HDAC9: variants seen among roughly 807,000 people sequenced by gnomAD.
HDAC9 encodes histone deacetylase 9, also known as MEF-2 interacting transcription repressor (MITR) protein.
In HDAC9, 41 loss-of-function variants were observed where a neutral mutation model predicts 139.4. That is an observed-to-expected ratio of 0.29 (90% CI 0.23 to 0.38). The LOEUF (loss-of-function observed/expected upper bound fraction) is 0.38, where lower values mean the gene tolerates loss of function less well. Ranked by LOEUF, HDAC9 falls within the 10% of genes least tolerant of loss-of-function variation. The pLI is 1.00. For synonymous variants in HDAC9, 517 were observed against 476.2 expected (o/e 1.09, Z -1.12); for missense variants, 1,147 against 1,297.0 (o/e 0.88, Z 1.78).
At chr7:18,808,882 C>T (rs748729523) in intron 17 of HDAC9, among the ~76,000 whole-genome samples, 10 of 148,466 alleles carry the variant, frequency 6.7e-5, no homozygotes, top group Admixed American at 2.0e-4. Flanking sequence ...ACAAAACAAA[C>T]AACAACAACA....
At chr7:18,412,427 C>T (rs1562963025) in intron 1 of HDAC9, among the ~76,000 whole-genome samples, 1 of 152,028 alleles carries the variant, frequency 6.6e-6, no homozygotes, top group Non-Finnish European at 1.5e-5. Context: ...GGAAGGCTTC[C>T]CACAGTACTA....
At chr7:18,900,259 G>A (rs1323296910) in intron 22 of HDAC9, among the ~76,000 whole-genome samples, 1 of 152,122 alleles carries the variant, frequency 6.6e-6, no homozygotes, top group Non-Finnish European at 1.5e-5. Flanking sequence ...AGAAATCAAA[G>A]ATAAATAAAT....
intron 1 of HDAC9, among the ~76,000 whole-genome samples, chr7:18,332,613 G>C (rs1801015634): frequency 6.6e-6 from 1 of 151,592 alleles, no homozygotes; most frequent in Admixed American, 6.6e-5. Flanking sequence ...TCTATATTAG[G>C]TGTGGAATGG....
chr7:18,162,536 C>G lies in HDAC9; in HGVS notation c.25+187C>G, dbSNP rs1336188249. On this transcript the variant is annotated intron_variant, in intron 2 of 12. Transcript: ENST00000417496. ...CTCTATTGCTTAACCCAGTTTGCTT[C>G]CTGGACAACTGATTTGATTTGCATT... The G allele has an allele frequency of 6.8e-6, 4 of 589,288 alleles. No homozygotes were observed. The East Asian group carries it at 8.6e-5, about 13-fold the overall frequency. 36.5% of individuals were successfully genotyped at this position (589,288 alleles called of 1,614,324 possible).
In HDAC9 at chr7:18,841,703, G is replaced by A. The variant is rs190875448; in HGVS notation, c.2684+5706G>A. 1.5e-3 allele frequency among the ~76,000 whole-genome samples: 234 copies of A among 152,196 alleles called. 1 individual carries two copies. Among genetic ancestry groups the A allele is most frequent in the African/African-American group, 5.3e-3 (222 of 41,534 alleles). ...CATATAGCGAAAAATTCTTTGCAATGCATTTTAGTCTATTTAACTTTGGCT... is the reference window on the plus strand; with the variant it reads ...CATATAGCGAAAAATTCTTTGCAATACATTTTAGTCTATTTAACTTTGGCT... On this transcript the variant is annotated intron_variant, in intron 21 of 25. Transcript: ENST00000686413.
intron 2 of HDAC9, among the ~76,000 whole-genome samples, chr7:18,564,042 G>A (rs760986853): frequency 6.6e-6 from 1 of 151,876 alleles, no homozygotes; most frequent in Non-Finnish European, 1.5e-5. Flanking sequence ...TCACCATGTT[G>A]GCCAGGATGG....
chr7:18,292,891 G>T (rs930452807), intron 1 of HDAC9, among the ~76,000 whole-genome samples: 1 of 152,068 alleles, frequency 6.6e-6, no homozygotes, highest in South Asian at 2.1e-4. Context: ...TTTACATTAC[G>T]GGTACAACTG....
At chr7:18,393,587 C>G (rs900663905) in intron 1 of HDAC9, among the ~76,000 whole-genome samples, 1 of 152,068 alleles carries the variant, frequency 6.6e-6, no homozygotes, top group African/African-American at 2.4e-5. Flanking sequence ...AAAGACTCAT[C>G]TGGAGTCGAT....
chr7:18,710,109 T>C (rs913322608), intron 12 of HDAC9, among the ~76,000 whole-genome samples: 2 of 152,178 alleles, frequency 1.3e-5, no homozygotes, highest in Non-Finnish European at 2.9e-5. Context: ...CAAAAGAGCA[T>C]GTGCAGGGGA....
intron 1 of HDAC9, among the ~76,000 whole-genome samples, chr7:18,408,762 A>G (rs55961933): frequency 0.027 from 4,121 of 152,224 alleles, 78 homozygotes; most frequent in East Asian, 0.075. Flanking sequence ...TGTGGGTCCT[A>G]TGGTTGAGAT....
chr7:18,519,216 A>G (rs1187562546), intron 2 of HDAC9, among the ~76,000 whole-genome samples: 1 of 152,218 alleles, frequency 6.6e-6, no homozygotes, highest in Non-Finnish European at 1.5e-5. Flanking sequence ...TCATTCTAGG[A>G]AAGATCTAGG....
intron 2 of HDAC9, among the ~76,000 whole-genome samples, chr7:18,172,168 C>G (rs1225101996): frequency 1.3e-5 from 2 of 152,098 alleles, no homozygotes; most frequent in African/African-American, 4.8e-5. Flanking sequence ...CTTGTTTAGT[C>G]TTGGGAGGGT....
intron 16 of HDAC9, among the ~76,000 whole-genome samples, chr7:18,789,663 T>G (rs1027801310): frequency 2.6e-5 from 4 of 152,188 alleles, no homozygotes; most frequent in African/African-American, 9.7e-5. Context: ...TTCCAAACCC[T>G]TCTGATCTCT....
intron 1 of HDAC9, among the ~76,000 whole-genome samples, chr7:18,355,197 AT>A (rs1783158028): frequency 6.6e-6 from 1 of 152,158 alleles, no homozygotes; most frequent in East Asian, 1.9e-4. Context: ...AAAAACTCTT[AT>A]TATCTCCACT....
intron 1 of HDAC9, among the ~76,000 whole-genome samples, chr7:18,353,865 C>G (rs979459033): frequency 6.6e-6 from 1 of 152,186 alleles, no homozygotes; most frequent in African/African-American, 2.4e-5. Flanking sequence ...TATAGAAACA[C>G]AAAGAGCATG....
intron 6 of HDAC9, among the ~76,000 whole-genome samples, chr7:18,594,917 C>T (rs1484153038): frequency 6.6e-6 from 1 of 152,050 alleles, no homozygotes; most frequent in Non-Finnish European, 1.5e-5. Flanking sequence ...TGACTCAGAT[C>T]TACTTGAAGA....
intron 24 of HDAC9, among the ~76,000 whole-genome samples, chr7:18,973,493 T>C (rs1266623258): frequency 6.6e-6 from 1 of 152,210 alleles, no homozygotes; most frequent in Non-Finnish European, 1.5e-5. Context: ...GTAAGTTTAA[T>C]AGTAGCGGAC....
intron 23 of HDAC9, among the ~76,000 whole-genome samples, chr7:18,937,745 C>T (rs368555287): frequency 2.2e-3 from 340 of 152,278 alleles, no homozygotes; most frequent in Admixed American, 4.1e-3. Context: ...GGTTGTGGAT[C>T]TGTAGCTCCA....
intron 1 of HDAC9, among the ~76,000 whole-genome samples, chr7:18,099,312 G>T (rs1366880741): frequency 6.6e-6 from 1 of 151,698 alleles, no homozygotes; most frequent in Non-Finnish European, 1.5e-5. Flanking sequence ...ATACAAAAAA[G>T]AAAAAATTAG....
Sources: gnomAD v4.1 joint callset for allele counts (sites outside exome capture counted in the v4.1 genomes callset) on GRCh38, gnomAD v4.1.1 for gene constraint, MANE v1.5 for transcripts, NCBI Gene and HGNC (gene_info 2026-07-23, HGNC 2026-07-21) for gene names.